The following APP variants were observed in gnomAD, a reference collection of about 807,000 sequenced individuals.
APP encodes amyloid-beta precursor protein.
APP carries 31 observed loss-of-function variants against 101.4 expected under a neutral mutation model. The ratio of observed to expected loss-of-function variants is 0.31; its 90% confidence interval spans 0.23 to 0.41. The LOEUF is 0.41. Among genes scored for constraint, APP ranks in the 10% least tolerant of loss-of-function variants. The pLI, the probability that APP is intolerant of heterozygous loss-of-function variation, is 1.00. For missense variants in APP, 839 were observed against 1,003.7 expected, an observed-to-expected ratio of 0.84 and a Z score of 2.22; for synonymous variants, 366 against 364.4, an observed-to-expected ratio of 1.00 and a Z score of -0.05.
In APP at chr21:25,969,152, AC is replaced by A. The variant is rs576115382; in HGVS notation, c.1458+5917del. On this transcript the variant is annotated intron_variant, in intron 11 of 17. Transcript: ENST00000346798. ...CAGGAGATCCAGACCAACCTGGCTA[AC>A]ACGGTGAAAGCCCGTCTCTACTAAA... is the stretch of plus-strand genomic sequence containing the variant. 6.6e-5 allele frequency among the ~76,000 whole-genome samples: 10 copies of A among 151,492 alleles called. No homozygotes were observed. The East Asian group carries it at 2.0e-3, about 30-fold the overall frequency.
At chr21:25,994,893 GTT>G (rs373300301) in intron 8 of APP, among the ~76,000 whole-genome samples, 1,801 of 152,302 alleles carry the variant, frequency 0.012, 34 homozygotes, top group African/African-American at 0.04. Context: ...GAAATTATAT[GTT>G]TTTTTCCTTG....
intron 2 of APP, among the ~76,000 whole-genome samples, chr21:26,108,314 T>C (rs1311768403): frequency 1.3e-5 from 2 of 152,246 alleles, no homozygotes; most frequent in Non-Finnish European, 1.5e-5. Flanking sequence ...GTTAAACCTA[T>C]ATAAAAATGA....
intron 15 of APP, among the ~76,000 whole-genome samples, chr21:25,900,425 GGC>G (rs1485431197): frequency 1.3e-5 from 2 of 150,874 alleles, no homozygotes; most frequent in African/African-American, 4.9e-5. Flanking sequence ...CAGGTGTGGT[GGC>G]GGGTGCCTGT....
chr21:26,051,774 C>T (rs2045849296), intron 4 of APP, among the ~76,000 whole-genome samples: 1 of 152,138 alleles, frequency 6.6e-6, no homozygotes. Flanking sequence ...CTGGGATTTG[C>T]TAAATTTGCA....
chr21:26,099,710 A>T (rs1230763058), intron 2 of APP, among the ~76,000 whole-genome samples: 6 of 152,266 alleles, frequency 3.9e-5, no homozygotes, highest in African/African-American at 1.4e-4. Flanking sequence ...TGAAAATACA[A>T]TCTCTAACTT....
intron 5 of APP, among the ~76,000 whole-genome samples, chr21:26,043,461 C>T (rs955424010): frequency 1.3e-5 from 2 of 151,824 alleles, no homozygotes; most frequent in East Asian, 1.9e-4. Context: ...GAACTCCTGA[C>T]ATCAAGAGAT....
chr21:26,042,739 CA>C (rs35238316), intron 5 of APP, among the ~76,000 whole-genome samples: 1 of 151,488 alleles, frequency 6.6e-6, no homozygotes, highest in East Asian at 1.9e-4. Context: ...CCTGTCTCTA[CA>C]AAAAAAATAA....
chr21:25,985,632 A>G (rs1239719460), intron 8 of APP, among the ~76,000 whole-genome samples: 1 of 152,140 alleles, frequency 6.6e-6, no homozygotes, highest in Admixed American at 6.5e-5. Flanking sequence ...CTTAGCCTCC[A>G]TAATTGTTGT....
At chr21:26,034,384 C>T (rs1468317871) in intron 5 of APP, among the ~76,000 whole-genome samples, 1 of 152,132 alleles carries the variant, frequency 6.6e-6, no homozygotes. Context: ...GTGGCTCAGG[C>T]CTGTAATCCC....
chr21:25,981,633 CCATGTTTTAGA>C (rs376443052), intron 9 of APP, among the ~76,000 whole-genome samples: 67 of 151,724 alleles, frequency 4.4e-4, no homozygotes, highest in African/African-American at 1.5e-3. Context: ...TATGGATTAG[CCATGTTTTAGA>C]CATAAGTTAT....
intron 6 of APP, among the ~76,000 whole-genome samples, chr21:26,015,579 A>G (rs1458997734): frequency 6.6e-6 from 1 of 152,188 alleles, no homozygotes; most frequent in Non-Finnish European, 1.5e-5. Flanking sequence ...TCTTACAAGA[A>G]ACATGCAAGA....
chr21:26,067,457 T>C (rs991603490), intron 3 of APP, among the ~76,000 whole-genome samples: 1 of 152,076 alleles, frequency 6.6e-6, no homozygotes, highest in Non-Finnish European at 1.5e-5. Flanking sequence ...TGTGGACAGG[T>C]TGGGGTTATG....
At position 25,973,893 on chromosome 21, in the gene APP, T is replaced by C. The variant is rs555331894; in HGVS notation, c.1458+1177A>G. ...AGACAGAAGTTGCAGTGAGCTGAGA[T>C]TGCACCACTGCACTCCAGCCTGGGT... On this transcript the variant is annotated intron_variant, in intron 11 of 17. Coordinates refer to ENST00000346798, the MANE Select transcript of APP (RefSeq NM_000484.4). 4.8e-5 allele frequency among the ~76,000 whole-genome samples: 7 copies of C among 145,676 alleles called. No individual in the cohort carries two copies. The East Asian group carries it at 6.1e-4, about 13-fold the overall frequency.
intron 1 of APP, among the ~76,000 whole-genome samples, chr21:26,126,272 T>C (rs2062682639): frequency 6.6e-6 from 1 of 152,186 alleles, no homozygotes; most frequent in Non-Finnish European, 1.5e-5. Context: ...TTTTAGGTAA[T>C]TAGAATAGAA....
intron 1 of APP, among the ~76,000 whole-genome samples, chr21:26,151,192 GGA>G (rs2146341756): frequency 6.6e-6 from 1 of 152,292 alleles, no homozygotes; most frequent in South Asian, 2.1e-4. Context: ...CATAACATCA[GGA>G]GAGACTTTAA....
At chr21:26,108,895 GA>G (rs200535270) in intron 2 of APP, among the ~76,000 whole-genome samples, 9 of 148,370 alleles carry the variant, frequency 6.1e-5, no homozygotes, top group African/African-American at 2.0e-4. Flanking sequence ...AAAAACAAAA[GA>G]AAAAAAAAGA....
At chr21:26,161,438 C>T (rs2063490015) in intron 1 of APP, among the ~76,000 whole-genome samples, 1 of 152,154 alleles carries the variant, frequency 6.6e-6, no homozygotes, top group Non-Finnish European at 1.5e-5. Context: ...TTTTCCAAGT[C>T]ACTTCCTTCC....
At chr21:26,132,853 A>T (rs1463951520) in intron 1 of APP, among the ~76,000 whole-genome samples, 1 of 152,218 alleles carries the variant, frequency 6.6e-6, no homozygotes, top group African/African-American at 2.4e-5. Context: ...AAGTGAATAA[A>T]CGGGTAAGTG....
chr21:25,924,599 C>G (rs933042488), intron 13 of APP, among the ~76,000 whole-genome samples: 6 of 151,586 alleles, frequency 4.0e-5, no homozygotes, highest in African/African-American at 1.2e-4. Flanking sequence ...ACATCATACA[C>G]CAGGGCCTGT....
Sources: gnomAD v4.1 joint callset for allele counts (sites outside exome capture counted in the v4.1 genomes callset) on GRCh38, gnomAD v4.1.1 for gene constraint, MANE v1.5 for transcripts, NCBI Gene and HGNC (gene_info 2026-07-23, HGNC 2026-07-21) for gene names.